PUS7L: variants seen among roughly 807,000 people sequenced by gnomAD.
The protein encoded by PUS7L is pseudouridine synthase 7 like.
PUS7L carries 49 observed loss-of-function variants against 51.1 expected under a neutral mutation model. The observed-to-expected ratio is 0.96, with a 90% CI of 0.76 to 1.22. The LOEUF is 1.22. Ranked by LOEUF, PUS7L falls within the 50% of genes most tolerant of loss-of-function variation. The probability of loss-of-function intolerance (pLI) is 0.00; values close to 1 mark genes in which losing one functional copy is unlikely to be tolerated. For synonymous variants in PUS7L, 277 were observed against 276.2 expected, an observed-to-expected ratio of 1.00 and a Z score of -0.03; for missense variants, 828 against 820.6, an observed-to-expected ratio of 1.01 and a Z score of -0.11.
chr12:43,730,017 G>C lies in PUS7L; in HGVS notation c.*359C>G. The C allele has an allele frequency of 5.7e-6, 1 of 176,870 alleles. No individual in the cohort carries two copies. The highest frequency in any genetic ancestry group is 2.4e-5 in the African/African-American group (1 of 42,220). The allele number at this position is 176,870 out of a possible 1,614,324, so 11.0% of individuals were successfully genotyped here. A position where few individuals can be genotyped will look rare whatever the true frequency, so the allele number is the denominator to read the frequency against. On this transcript the variant is annotated 3_prime_UTR_variant, in exon 9 of 9. Transcript: ENST00000344862. ...CGACCTAATTTTACTAGTGTTCTAA[G>C]CAAGGAGCTGGAGGATATGAATATT...
chr12:43,751,720 GTA>G (rs1349475196), intron 2 of PUS7L, among the ~76,000 whole-genome samples: 1 of 152,110 alleles, frequency 6.6e-6, no homozygotes, highest in Non-Finnish European at 1.5e-5. Flanking sequence ...CCCAGTAATG[GTA>G]TGGCTGGGTC....
rs1944478759 is a variant in PUS7L at position 43,728,066 on chromosome 12, A to C, written c.*2310T>G. 1 of 152,106 alleles carries C rather than the reference A, an allele frequency of 6.6e-6. No homozygotes were observed. The highest frequency in any genetic ancestry group is 6.5e-5 in the Admixed American group (1 of 15,268). The allele number at this position is 152,106 out of a possible 1,614,324, so 9.4% of individuals were successfully genotyped here. ...AATAATGAGGTGAAGAAAAAAAAAA[A>C]ACTAATCCAAAGATCATGCTTATGA... On this transcript the variant is annotated 3_prime_UTR_variant, in exon 9 of 9. Coordinates refer to ENST00000344862, the MANE Select transcript of PUS7L (RefSeq NM_031292.5).
At chr12:43,744,327 A>T (rs1315867132) in intron 4 of PUS7L, among the ~76,000 whole-genome samples, 1 of 152,212 alleles carries the variant, frequency 6.6e-6, no homozygotes, top group Non-Finnish European at 1.5e-5. Flanking sequence ...AAGTAATTGA[A>T]TTATGGGGTC....
Position 43,748,625 on chromosome 12 carries a change from A to T in PUS7L, c.911-16T>A. The T allele has an allele frequency of 6.4e-7, 1 of 1,565,012 alleles. No individual in the cohort carries two copies. Among genetic ancestry groups the T allele is most frequent in the South Asian group, 1.2e-5 (1 of 83,066 alleles). On this transcript the variant is annotated splice_polypyrimidine_tract_variant and intron_variant, in intron 2 of 8. Transcript: ENST00000344862. ...AGGGTAAAAGCTGAAACAAAAAAAAAACTTAGATCACAAAAAAAGCAGCTA... is the reference window on the plus strand; with the variant it reads ...AGGGTAAAAGCTGAAACAAAAAAAATACTTAGATCACAAAAAAAGCAGCTA...
At chr12:43,738,456 A>T in intron 5 of PUS7L, 65 bp from the exon 6 acceptor site, 1 of 851,592 alleles carries the variant, frequency 1.2e-6, no homozygotes, top group Non-Finnish European at 2.0e-6. Context: ...TTAAAAAAAG[A>T]TGCAAATTCT....
At chr12:43,748,069 G>A (rs11182248) in intron 3 of PUS7L, among the ~76,000 whole-genome samples, 2,191 of 152,300 alleles carry the variant, frequency 0.014, 55 homozygotes, top group African/African-American at 0.049. Flanking sequence ...GATTATAGGC[G>A]TAAGCCACCG....
intron 8 of PUS7L, 82 bp from the exon 9 acceptor site, chr12:43,730,784 G>A: frequency 1.1e-6 from 1 of 874,168 alleles, no homozygotes; most frequent in Non-Finnish European, 1.8e-6. Flanking sequence ...TTTTATGACT[G>A]CGACCTGGAT....
chr12:43,738,146 G>A (rs1206226868), intron 6 of PUS7L, 164 bp downstream of exon 6: 5 of 529,950 alleles, frequency 9.4e-6, no homozygotes, highest in African/African-American at 2.0e-5. Flanking sequence ...GACCAAAAAC[G>A]AAGTGAGTGC....
intron 4 of PUS7L, among the ~76,000 whole-genome samples, chr12:43,745,340 T>G (rs1938112400): frequency 1.3e-5 from 2 of 152,206 alleles, no homozygotes; most frequent in African/African-American, 4.8e-5. Flanking sequence ...CATCTTGAAT[T>G]GTAGTTTCCA....
Position 43,723,361 on chromosome 12 carries a change from G to A in PUS7L, c.*7015C>T, listed in dbSNP as rs1302434296. ...TAAACTAGTAGCTTTTTAGAAAGCAGCATTTAGACTGAATAGTTCAAAGCA... is the reference window on the plus strand; with the variant it reads ...TAAACTAGTAGCTTTTTAGAAAGCAACATTTAGACTGAATAGTTCAAAGCA... On this transcript the variant is annotated 3_prime_UTR_variant, in exon 9 of 9. Transcript: ENST00000344862. The A allele has an allele frequency of 6.6e-6, 1 of 152,074 alleles. No homozygotes were observed. Among genetic ancestry groups the A allele is most frequent in the East Asian group, 1.9e-4 (1 of 5,192 alleles). The allele number at this position is 152,074 out of a possible 1,614,324, so 9.4% of individuals were successfully genotyped here.
intron 4 of PUS7L, among the ~76,000 whole-genome samples, chr12:43,743,106 C>A (rs1937986623): frequency 6.6e-6 from 1 of 152,162 alleles, no homozygotes; most frequent in South Asian, 2.1e-4. Flanking sequence ...TATTCCAGCA[C>A]CTGGAACAGT....
chr12:43,753,498 T>C (rs1003115399), intron 2 of PUS7L, among the ~76,000 whole-genome samples: 6 of 152,212 alleles, frequency 3.9e-5, no homozygotes, highest in African/African-American at 1.4e-4. Context: ...ATCCTATTTC[T>C]GTGTCACTGT....
chr12:43,748,393 A>G, intron 3 of PUS7L, 57 bp downstream of exon 3: 1 of 1,278,510 alleles, frequency 7.8e-7, no homozygotes, highest in Admixed American at 2.3e-5. Flanking sequence ...CATTTAGACA[A>G]TTTAAATCTT....
chr12:43,758,482 G>T (rs1938974328), intron 1 of PUS7L: 1 of 985,480 alleles, frequency 1.0e-6, no homozygotes, highest in Admixed American at 6.1e-5. Context: ...TAACTTCACA[G>T]AAAACTAGGG....
intron 4 of PUS7L, 106 bp from the exon 5 acceptor site, chr12:43,742,661 T>C: frequency 7.0e-7 from 1 of 1,420,610 alleles, no homozygotes; most frequent in Non-Finnish European, 9.2e-7. Context: ...AGAATAACTC[T>C]GTAATCAGCA....
rs1329714779 is a variant in PUS7L, at chr12:43,727,945, T to C, written c.*2431A>G. 2 of 152,168 alleles carry C rather than the reference T, an allele frequency of 1.3e-5. No homozygotes were observed. The highest frequency in any genetic ancestry group is 3.8e-4 in the East Asian group (2 of 5,196). The allele number at this position is 152,168 out of a possible 1,614,324, so 9.4% of individuals were successfully genotyped here. On this transcript the variant is annotated 3_prime_UTR_variant, in exon 9 of 9. Coordinates refer to ENST00000344862, the MANE Select transcript of PUS7L (RefSeq NM_031292.5). ...TGGGTAGGTTAAGTGGGCATTTTGA[T>C]GACACAGCTTCTCCTTCGGCATGTT...
intron 1 of PUS7L, among the ~76,000 whole-genome samples, chr12:43,757,682 TG>T (rs1454560622): frequency 6.6e-6 from 1 of 152,108 alleles, no homozygotes; most frequent in East Asian, 1.9e-4. Context: ...GTTAAATAAA[TG>T]AAATAACTAG....
chr12:43,721,828 A>T lies in PUS7L; in HGVS notation c.*8548T>A, dbSNP rs546830956. 1 of 152,222 alleles carries T rather than the reference A, an allele frequency of 6.6e-6. No homozygotes were observed. The highest frequency in any genetic ancestry group is 2.1e-4 in the South Asian group (1 of 4,818). 9.4% of individuals were successfully genotyped at this position (152,222 alleles called of 1,614,324 possible). A position where few individuals can be genotyped will look rare whatever the true frequency, so the allele number is the denominator to read the frequency against. On this transcript the variant is annotated 3_prime_UTR_variant, in exon 9 of 9. Coordinates refer to ENST00000344862, the MANE Select transcript of PUS7L (RefSeq NM_031292.5). ...CTAATCTGAAAATTCAAAATCCAAA[A>T]TCCAAAACTTTTTGAGTACTGACAT...
At position 43,730,209 on chromosome 12, in the gene PUS7L, A is replaced by C. The variant is rs554294978; in HGVS notation, c.*167T>G. On this transcript the variant is annotated 3_prime_UTR_variant, in exon 9 of 9. Coordinates refer to ENST00000344862, the MANE Select transcript of PUS7L (RefSeq NM_031292.5). ...CTTAAATTTGGACCCTGACACTTAC[A>C]TATCCTCTATAAAATTACAGTATCA... 1 of 605,478 alleles carries C rather than the reference A, an allele frequency of 1.7e-6. No homozygotes were observed. The highest frequency in any genetic ancestry group is 1.8e-5 in the African/African-American group (1 of 54,078). 37.5% of individuals were successfully genotyped at this position (605,478 alleles called of 1,614,324 possible). A position where few individuals can be genotyped will look rare whatever the true frequency, so the allele number is the denominator to read the frequency against.
Sources: gnomAD v4.1 joint callset for allele counts (sites outside exome capture counted in the v4.1 genomes callset) on GRCh38, gnomAD v4.1.1 for gene constraint, MANE v1.5 for transcripts, NCBI Gene and HGNC (gene_info 2026-07-23, HGNC 2026-07-21) for gene names.